Variants in GRB10 observed in about 807,000 individuals in gnomAD.
GRB10 encodes the protein growth factor receptor-bound protein 10.
Under a neutral mutation model 80.9 loss-of-function variants are expected in GRB10, and 20 were observed. The observed-to-expected ratio is 0.25, with a 90% CI of 0.17 to 0.36. The LOEUF is 0.36. Among genes scored for constraint, GRB10 ranks in the 10% least tolerant of loss-of-function variants. GRB10 has a pLI of 1.00. For missense variants in GRB10, 548 were observed against 747.7 expected (o/e 0.73, Z 3.12); for synonymous variants, 291 against 291.5 (o/e 1.00, Z 0.02).
chr7:50,595,045 C>T (rs906045377), intron 18 of GRB10, among the ~76,000 whole-genome samples: 1 of 152,124 alleles, frequency 6.6e-6, no homozygotes, highest in Non-Finnish European at 1.5e-5. Context: ...ACAGCTGCTG[C>T]GACCTCAGCT....
intron 7 of GRB10, among the ~76,000 whole-genome samples, chr7:50,634,653 C>T (rs375994240): frequency 4.7e-4 from 71 of 152,264 alleles, no homozygotes; most frequent in Middle Eastern, 3.4e-3. Context: ...ACCCACCTAA[C>T]GGCTAAAGAC....
chr7:50,619,278 G>C lies in GRB10; in HGVS notation c.669C>G (p.Cys223Trp). The C allele has an allele frequency of 1.2e-6, 2 of 1,600,344 alleles. No homozygotes were observed. Among genetic ancestry groups the C allele is most frequent in the Non-Finnish European group, 8.6e-7 (1 of 1,168,798 alleles). The change falls in exon 9 of 19, where the codon TGC (cysteine) becomes TGG (tryptophan). Residue 223 changes from cysteine to tryptophan, a missense_variant. By Grantham distance (215) the Cys-to-Trp change is radical (BLOSUM62 -2). Coordinates refer to ENST00000401949, the MANE Select transcript of GRB10 (RefSeq NM_001350814.2). ...GGACCACCAGCTCATGGTCTTCCAAGCACCTCTCTGCAGGGGCAAAGCATC... is the reference window on the plus strand; with the variant it reads ...GGACCACCAGCTCATGGTCTTCCAACCACCTCTCTGCAGGGGCAAAGCATC... ...EHHPHLGLER[C>W]LEDHELVVQV...
intron 5 of GRB10, among the ~76,000 whole-genome samples, chr7:50,676,795 T>A (rs983832184): frequency 4.6e-5 from 7 of 150,760 alleles, no homozygotes; most frequent in African/African-American, 1.7e-4. Flanking sequence ...CCCCCGGGGG[T>A]AGTGCTTGGG....
intron 10 of GRB10, among the ~76,000 whole-genome samples, chr7:50,617,314 G>A (rs2050827323): frequency 6.6e-6 from 1 of 152,226 alleles, no homozygotes; most frequent in African/African-American, 2.4e-5. Flanking sequence ...GGAGAATTCT[G>A]TAGGAACTAC....
At chr7:50,757,632 G>A (rs2075262902) in intron 2 of GRB10, among the ~76,000 whole-genome samples, 1 of 152,288 alleles carries the variant, frequency 6.6e-6, no homozygotes, top group South Asian at 2.1e-4. Context: ...TGATTATGTC[G>A]ACTAGAATAT....
chr7:50,656,444 TATGC>T (rs759521401), intron 7 of GRB10, among the ~76,000 whole-genome samples: 1 of 152,224 alleles, frequency 6.6e-6, no homozygotes, highest in African/African-American at 2.4e-5. Flanking sequence ...ATGTGGTGAC[TATGC>T]AGTAGCCTAT....
chr7:50,654,280 A>C (rs934739953), intron 7 of GRB10, among the ~76,000 whole-genome samples: 1 of 152,218 alleles, frequency 6.6e-6, no homozygotes, highest in African/African-American at 2.4e-5. Flanking sequence ...CCCATGGCCA[A>C]CAGCACCAGC....
chr7:50,614,732 C>T, intron 12 of GRB10, 38 bp downstream of exon 12: 1 of 1,315,746 alleles, frequency 7.6e-7, no homozygotes, highest in Non-Finnish European at 1.1e-6. Context: ...CTGTGGGCTG[C>T]TGAGCATGCG....
chr7:50,737,858 C>T (rs1443019013), intron 3 of GRB10, among the ~76,000 whole-genome samples: 1 of 152,136 alleles, frequency 6.6e-6, no homozygotes, highest in African/African-American at 2.4e-5. Context: ...CAAAAACAAA[C>T]AAACAAACAA....
At chr7:50,791,610 G>A (rs1432447332) in intron 1 of GRB10, among the ~76,000 whole-genome samples, 1 of 152,196 alleles carries the variant, frequency 6.6e-6, no homozygotes, top group East Asian at 1.9e-4. Flanking sequence ...TTTTGAAAGT[G>A]CCTTGTAAAC....
In GRB10 at chr7:50,595,636, C is replaced by G. The variant is rs1029311338; in HGVS notation, c.1545-106G>C. On this transcript the variant is annotated intron_variant, in intron 17 of 18. Transcript: ENST00000401949. ...ACACACACACACACACACACACACACAGGCTTGGAGCCACAATGCTTCAGT... is the reference window on the plus strand; with the variant it reads ...ACACACACACACACACACACACACAGAGGCTTGGAGCCACAATGCTTCAGT... 55 of 747,184 alleles carry G rather than the reference C, an allele frequency of 7.4e-5. 1 individual carries two copies. Among genetic ancestry groups the G allele is most frequent in the Non-Finnish European group, 1.2e-4 (51 of 419,232 alleles). 46.3% of individuals were successfully genotyped at this position (747,184 alleles called of 1,614,324 possible). A position where few individuals can be genotyped will look rare whatever the true frequency, so the allele number is the denominator to read the frequency against.
At chr7:50,740,558 A>G (rs1382490273) in intron 3 of GRB10, among the ~76,000 whole-genome samples, 7 of 152,236 alleles carry the variant, frequency 4.6e-5, no homozygotes, top group Admixed American at 3.3e-4. Flanking sequence ...TAAAAGCCAG[A>G]AGATCCTACT....
chr7:50,623,250 A>G (rs1159410761), intron 8 of GRB10, among the ~76,000 whole-genome samples: 2 of 152,242 alleles, frequency 1.3e-5, no homozygotes, highest in Non-Finnish European at 2.9e-5. Context: ...CCCAACAGGT[A>G]GAACCTGGGG....
intron 5 of GRB10, among the ~76,000 whole-genome samples, chr7:50,675,232 A>G (rs1352616550): frequency 6.6e-6 from 1 of 152,254 alleles, no homozygotes; most frequent in Non-Finnish European, 1.5e-5. Context: ...GTGCCCACCC[A>G]TCCTCTCGAT....
chr7:50,594,802 A>G (rs1442185984), intron 18 of GRB10, among the ~76,000 whole-genome samples: 1 of 152,234 alleles, frequency 6.6e-6, no homozygotes, highest in Non-Finnish European at 1.5e-5. Context: ...TGTCAAAAAA[A>G]GTAGTGTTGA....
intron 4 of GRB10, among the ~76,000 whole-genome samples, chr7:50,720,177 T>C (rs2067482111): frequency 6.6e-6 from 1 of 152,180 alleles, no homozygotes; most frequent in African/African-American, 2.4e-5. Context: ...ACAAGCTAAA[T>C]ATTTACTTTC....
At chr7:50,709,034 G>A (rs944030390) in intron 4 of GRB10, among the ~76,000 whole-genome samples, 3 of 152,176 alleles carry the variant, frequency 2.0e-5, no homozygotes, top group Non-Finnish European at 2.9e-5. Context: ...AGGGGAAGGT[G>A]AAAGGATGGG....
chr7:50,636,674 A>G (rs2055092867), intron 7 of GRB10, among the ~76,000 whole-genome samples: 1 of 152,150 alleles, frequency 6.6e-6, no homozygotes, highest in African/African-American at 2.4e-5. Context: ...TCAGTAAAAT[A>G]CAACACCCCT....
At chr7:50,733,232 C>A (rs2070196017) in intron 3 of GRB10, among the ~76,000 whole-genome samples, 1 of 152,164 alleles carries the variant, frequency 6.6e-6, no homozygotes, top group South Asian at 2.1e-4. Flanking sequence ...ATCTGCAAGC[C>A]AAGGAGAGAG....
Sources: allele counts gnomAD v4.1 joint callset (sites outside exome capture counted in the v4.1 genomes callset), GRCh38; gene constraint gnomAD v4.1.1; transcripts MANE v1.5; gene names NCBI Gene and HGNC (gene_info 2026-07-23, HGNC 2026-07-21).